The following COPZ2 variants were observed in gnomAD, a reference collection of about 807,000 sequenced individuals.
The protein encoded by COPZ2 is coat protein complex I subunit zeta 2.
Under a neutral mutation model 33.2 loss-of-function variants are expected in COPZ2, and 30 were observed. The ratio of observed to expected loss-of-function variants is 0.90; its 90% CI spans 0.68 to 1.23. The LOEUF (loss-of-function observed/expected upper bound fraction) is 1.23, where lower values mean the gene tolerates loss of function less well. Ranked by LOEUF, COPZ2 falls within the 50% of genes most tolerant of loss-of-function variation. The probability of loss-of-function intolerance (pLI) is 0.00; values close to 1 mark genes in which losing one functional copy is unlikely to be tolerated. For missense variants in COPZ2, 263 were observed against 262.4 expected (o/e 1.00, Z -0.02); for synonymous variants, 89 against 102.6 (o/e 0.87, Z 0.80).
At chr17:48,034,178 G>A (rs967608734) in intron 2 of COPZ2, among the ~76,000 whole-genome samples, 2 of 152,104 alleles carry the variant, frequency 1.3e-5, no homozygotes, top group Non-Finnish European at 2.9e-5. Context: ...GCACGATCTC[G>A]GCTCACCACA....
At position 48,028,323 on chromosome 17, in the gene COPZ2, T is replaced by A. The variant is rs1446914280; in HGVS notation, c.585+149A>T. 5 of 751,102 alleles carry A rather than the reference T, an allele frequency of 6.7e-6. No individual in the cohort carries two copies. In the East Asian group the frequency reaches 1.5e-4, roughly 23 times the overall value. The allele number at this position is 751,102 out of a possible 1,614,324, so 46.5% of individuals were successfully genotyped here. A position where few individuals can be genotyped will look rare whatever the true frequency, so the allele number is the denominator to read the frequency against. On this transcript the variant is annotated intron_variant, in intron 8 of 8. Coordinates refer to ENST00000621465, the MANE Select transcript of COPZ2 (RefSeq NM_016429.4). This position sits in a 1 kb window ranked among gnomAD's most constrained non-coding sequence, Gnocchi z 4.5. ...GCCTCCAGTGAGTCTTTCCAAGATA[T>A]GACCTGTCACTGCCTCATCCCTTCC...
Position 48,033,274 on chromosome 17 carries a change from G to A in COPZ2, c.297C>T (p.Thr99=). The stretch of plus-strand genomic sequence containing the variant: ...GGTCAATGCTGTTCTTGTAGACGAT[G>A]GTCATACCCCCAAAAAATGCAATCT... ...ESEIAFFGGM[T]IVYKNSIDLF... The change falls in exon 4 of 9, where the codon ACC becomes ACT. Residue 99 remains threonine (T), a synonymous_variant. Coordinates refer to ENST00000621465, the MANE Select transcript of COPZ2 (RefSeq NM_016429.4). The A allele has an allele frequency of 6.2e-7, 1 of 1,613,084 alleles. No homozygotes were observed. The highest frequency in any genetic ancestry group is 8.5e-7 in the Non-Finnish European group (1 of 1,179,434).
At chr17:48,038,316 G>C (rs554537790), upstream of COPZ2, among the ~76,000 whole-genome samples, 3 of 152,102 alleles carry the variant, frequency 2.0e-5, no homozygotes, top group Non-Finnish European at 4.4e-5. Context: ...CCATGGGCCC[G>C]GAGACACCTC....
chr17:48,043,420 C>T, the COPZ2 span: 1 of 653,602 alleles, frequency 1.5e-6, no homozygotes, highest in African/African-American at 2.0e-5. Context: ...CGAGAAGAAA[C>T]AGCTCCCTTG....
the COPZ2 span, among the ~76,000 whole-genome samples, chr17:48,044,402 GCTT>G: frequency 4.4e-5 from 4 of 90,448 alleles, no homozygotes; most frequent in East Asian, 1.3e-3. Flanking sequence ...ACAATCTTTT[GCTT>G]TTTTTTTTTT....
chr17:48,026,510 A>G, intron 8 of COPZ2, 35 bp from the exon 9 acceptor site: 8 of 1,515,904 alleles, frequency 5.3e-6, no homozygotes, highest in Non-Finnish European at 7.3e-6. Flanking sequence ...GAGAGAATTG[A>G]GAATGTCAAA....
upstream of COPZ2, among the ~76,000 whole-genome samples, chr17:48,040,526 G>T (rs552583151): frequency 4.7e-5 from 7 of 150,390 alleles, no homozygotes; most frequent in South Asian, 1.5e-3. Flanking sequence ...TCCGCCTCAC[G>T]GGTTCCAGTG....
At chr17:48,034,887 G>A (rs562852741) in intron 2 of COPZ2, among the ~76,000 whole-genome samples, 3 of 152,328 alleles carry the variant, frequency 2.0e-5, no homozygotes, top group Non-Finnish European at 4.4e-5. Flanking sequence ...TTGGGAGGGT[G>A]AGGCAGGAGA....
At chr17:48,047,720 C>T in the COPZ2 span, 2 of 152,214 alleles carry the variant, frequency 1.3e-5, no homozygotes, top group African/African-American at 4.8e-5. Flanking sequence ...GTACCCTTGC[C>T]TGGGCCATGA....
At chr17:48,029,789 C>A (rs1472899620) in intron 6 of COPZ2, among the ~76,000 whole-genome samples, 1 of 149,944 alleles carries the variant, frequency 6.7e-6, no homozygotes, top group Middle Eastern at 3.3e-3. Flanking sequence ...GCCAACATGG[C>A]GAAACCCTGT....
Position 48,037,136 on chromosome 17 carries a change from G to C in COPZ2, c.112-211C>G. 1 of 767,880 alleles carries C rather than the reference G, an allele frequency of 1.3e-6. No individual in the cohort carries two copies. The highest frequency in any genetic ancestry group is 1.4e-5 in the South Asian group (1 of 73,272). 47.6% of individuals were successfully genotyped at this position (767,880 alleles called of 1,614,324 possible). A position where few individuals can be genotyped will look rare whatever the true frequency, so the allele number is the denominator to read the frequency against. Reference sequence around the variant, plus strand: ...GATGTTCCACTGCAGGCCCCGAGTGGGCGCTGTGCCCGTTGGGTGCAGAAG... The same window carrying C: ...GATGTTCCACTGCAGGCCCCGAGTGCGCGCTGTGCCCGTTGGGTGCAGAAG... On this transcript the variant is annotated intron_variant, in intron 1 of 8. Coordinates refer to ENST00000621465, the MANE Select transcript of COPZ2 (RefSeq NM_016429.4). The surrounding 1 kb of genome is among the most constrained non-coding windows in gnomAD (Gnocchi z 5.6).
chr17:48,044,371 A>G, the COPZ2 span, among the ~76,000 whole-genome samples: 1 of 141,366 alleles, frequency 7.1e-6, no homozygotes, highest in Non-Finnish European at 1.5e-5. Flanking sequence ...TAATCATTCT[A>G]GTCTGTGTTC....
chr17:48,032,557 G>A (rs895468398), intron 5 of COPZ2, 129 bp downstream of exon 5: 29 of 785,914 alleles, frequency 3.7e-5, no homozygotes, highest in Middle Eastern at 4.7e-4. Context: ...TCATTGTGTC[G>A]ACTGTGAACT....
In COPZ2 at chr17:48,037,353, A is replaced by T; in HGVS notation, c.111+314T>A. On this transcript the variant is annotated intron_variant, in intron 1 of 8. Transcript: ENST00000621465. This position sits in a 1 kb window ranked among gnomAD's most constrained non-coding sequence, Gnocchi z 5.6. ...GGTAGACTCCAGAAGCATGCCCATC[A>T]CCCACCGGTGATGGGAGCCGAGTCT... 3.0e-6 allele frequency: 1 copy of T among 337,194 alleles called. No homozygotes were observed. The highest frequency in any genetic ancestry group is 5.7e-6 in the Non-Finnish European group (1 of 174,830). The allele number at this position is 337,194 out of a possible 1,614,324, so 20.9% of individuals were successfully genotyped here.
intron 3 of COPZ2, 53 bp downstream of exon 3, chr17:48,033,810 G>T: frequency 7.5e-7 from 1 of 1,339,910 alleles, no homozygotes; most frequent in Non-Finnish European, 1.1e-6. Context: ...TCCAGATGGA[G>T]AAGATGACAG....
upstream of COPZ2, among the ~76,000 whole-genome samples, chr17:48,039,878 T>C (rs2037044372): frequency 6.6e-6 from 1 of 152,070 alleles, no homozygotes; most frequent in Non-Finnish European, 1.5e-5. Flanking sequence ...TTCCAGCTCT[T>C]TGGAAGGCCG....
chr17:48,043,076 T>C, the COPZ2 span, among the ~76,000 whole-genome samples: 1 of 152,210 alleles, frequency 6.6e-6, no homozygotes, highest in Non-Finnish European at 1.5e-5. Flanking sequence ...AGCAGCAGAC[T>C]CGGCAGGAGA....
At chr17:48,046,754 G>C in the COPZ2 span, 1 of 152,164 alleles carries the variant, frequency 6.6e-6, no homozygotes, top group Non-Finnish European at 1.5e-5. Flanking sequence ...CATCCTCCAA[G>C]GTGTGGTTAA....
chr17:48,041,614 T>C (rs780153270), upstream of COPZ2, among the ~76,000 whole-genome samples: 4 of 152,170 alleles, frequency 2.6e-5, no homozygotes, highest in Non-Finnish European at 5.9e-5. Flanking sequence ...TTGCAGGCTA[T>C]CAGTTATAAT....
Sources: allele counts gnomAD v4.1 joint callset (sites outside exome capture counted in the v4.1 genomes callset), GRCh38; gene constraint gnomAD v4.1.1; non-coding constraint Gnocchi (gnomAD v3.1); transcripts MANE v1.5; gene names NCBI Gene and HGNC (gene_info 2026-07-23, HGNC 2026-07-21).